ARFGEF2: variants seen among roughly 807,000 people sequenced by gnomAD.
ARFGEF2 encodes ARF guanine nucleotide exchange factor 2, also known as brefeldin A-inhibited guanine nucleotide-exchange protein 2.
A neutral mutation model predicts 219.9 loss-of-function variants in ARFGEF2; 74 were observed. That is an observed-to-expected ratio of 0.34 (90% CI 0.28 to 0.41). The LOEUF (loss-of-function observed/expected upper bound fraction) is 0.41. ARFGEF2 is among the 10% of genes least tolerant of loss of function. The pLI is 1.00. For synonymous variants in ARFGEF2, 733 were observed against 799.2 expected (o/e 0.92, Z 1.40); for missense variants, 1,743 against 2,218.3 (o/e 0.79, Z 4.30).
intron 22 of ARFGEF2, among the ~76,000 whole-genome samples, chr20:48,994,839 A>G (rs58361594): frequency 1.3e-5 from 2 of 152,262 alleles, no homozygotes; most frequent in African/African-American, 4.8e-5. Flanking sequence ...ACCTATCACT[A>G]TATTGGGGAG....
intron 1 of ARFGEF2, among the ~76,000 whole-genome samples, chr20:48,926,141 A>G (rs2090875547): frequency 6.6e-6 from 1 of 152,178 alleles, no homozygotes; most frequent in Admixed American, 6.5e-5. Context: ...AACACAGGCA[A>G]TCTGGCTCCA....
At chr20:48,935,825 C>G (rs1334990315) in intron 1 of ARFGEF2, among the ~76,000 whole-genome samples, 1 of 138,208 alleles carries the variant, frequency 7.2e-6, no homozygotes, top group East Asian at 2.3e-4. Context: ...GGGGGGCTGA[C>G]CCCCCAACCT....
chr20:48,986,474 C>CA (rs1040952230), intron 16 of ARFGEF2, among the ~76,000 whole-genome samples: 8 of 150,536 alleles, frequency 5.3e-5, no homozygotes, highest in Admixed American at 1.3e-4. Context: ...TCCAAAAATA[C>CA]AAAAAAAAAT....
chr20:48,984,440 G>C (rs2091314742), intron 14 of ARFGEF2, among the ~76,000 whole-genome samples: 1 of 152,182 alleles, frequency 6.6e-6, no homozygotes, highest in Non-Finnish European at 1.5e-5. Flanking sequence ...GCAGGGAAAT[G>C]TTCTTTTTAT....
intron 1 of ARFGEF2, among the ~76,000 whole-genome samples, chr20:48,931,644 G>T (rs1010532293): frequency 1.3e-5 from 2 of 151,248 alleles, no homozygotes; most frequent in Non-Finnish European, 2.9e-5. Flanking sequence ...TCTGAAGGAA[G>T]TGAGGGGGTG....
intron 1 of ARFGEF2, among the ~76,000 whole-genome samples, chr20:48,923,298 G>T (rs2090854981): frequency 6.6e-6 from 1 of 152,234 alleles, no homozygotes; most frequent in Admixed American, 6.5e-5. Context: ...CATAGTTTGA[G>T]ATTGTTATCA....
At chr20:49,000,460 A>G (rs1350642579) in intron 25 of ARFGEF2, among the ~76,000 whole-genome samples, 5 of 152,240 alleles carry the variant, frequency 3.3e-5, no homozygotes, top group Non-Finnish European at 7.3e-5. Flanking sequence ...TGAGAGGCAC[A>G]GGAGCCTGTG....
chr20:48,988,104 G>T (rs2091336659), intron 16 of ARFGEF2, among the ~76,000 whole-genome samples, 200 bp from the exon 17 acceptor site: 1 of 152,080 alleles, frequency 6.6e-6, no homozygotes, highest in African/African-American at 2.4e-5. Context: ...GCTAAAATTT[G>T]ATACAGATTG....
chr20:48,984,142 G>C (rs1293503123), intron 14 of ARFGEF2, among the ~76,000 whole-genome samples: 3 of 152,106 alleles, frequency 2.0e-5, no homozygotes, highest in Admixed American at 1.3e-4. Flanking sequence ...ACAGTCTAAG[G>C]CTGCTACGGT....
At chr20:48,933,140 G>C (rs2090923497) in intron 1 of ARFGEF2, among the ~76,000 whole-genome samples, 1 of 152,234 alleles carries the variant, frequency 6.6e-6, no homozygotes, top group Non-Finnish European at 1.5e-5. Flanking sequence ...TTCAGCTGCA[G>C]CTGCCCCACC....
At position 49,033,191 on chromosome 20, in the gene ARFGEF2, G is replaced by T; in HGVS notation, c.5350G>T (p.Val1784Leu). The stretch of plus-strand genomic sequence containing the variant: ...ACAGGTACCAGCAGCACTGTCACCA[G>T]TGTGGTAGCCCTGGCTGCCCAGGCC... ...PSQVPAALSP[V>L]W The change falls in exon 39 of 39, where the codon GTG becomes TTG. Residue 1784 changes from valine to leucine, a missense_variant. By Grantham distance (32) the Val-to-Leu change is conservative. Around this residue, in one of 5 missense-constraint regions of ARFGEF2, gnomAD observed 578 missense variants for 664.0 expected, o/e 0.87. Transcript: ENST00000371917. The T allele has an allele frequency of 1.2e-6, 2 of 1,614,216 alleles. No homozygotes were observed. Among genetic ancestry groups the T allele is most frequent in the Admixed American group, 3.3e-5 (2 of 60,024 alleles).
At chr20:48,995,596 T>C (rs1450595583) in intron 22 of ARFGEF2, among the ~76,000 whole-genome samples, 187 bp from the exon 23 acceptor site, 1 of 152,232 alleles carries the variant, frequency 6.6e-6, no homozygotes, top group African/African-American at 2.4e-5. Context: ...ACTAAGGATA[T>C]ATTTTAAATG....
intron 6 of ARFGEF2, among the ~76,000 whole-genome samples, chr20:48,960,517 C>T (rs1310169638): frequency 1.3e-5 from 2 of 151,312 alleles, no homozygotes; most frequent in Admixed American, 6.6e-5. Context: ...GAGTTTTGCT[C>T]CTGTCGCCTA....
In ARFGEF2 at chr20:48,953,794, C is replaced by T. The variant is rs773712651; in HGVS notation, c.838+4C>T. 8.7e-6 allele frequency: 14 copies of T among 1,612,364 alleles called. No individual in the cohort carries two copies. The highest frequency in any genetic ancestry group is 6.7e-5 in the East Asian group (3 of 44,878). On this transcript the variant is annotated splice_donor_region_variant and intron_variant, in intron 6 of 38. Transcript: ENST00000371917. ...GAAAGAGGCTCATCACTGTCAGGTACGGGCTGATACGGTATGGCTCTTTTT... is the reference window on the plus strand; with the variant it reads ...GAAAGAGGCTCATCACTGTCAGGTATGGGCTGATACGGTATGGCTCTTTTT...
At position 49,023,120 on chromosome 20, in the gene ARFGEF2, A is replaced by T. The variant is rs748633846; in HGVS notation, c.4694A>T (p.Asn1565Ile). Residue 1565 changes from asparagine to isoleucine, a missense_variant, in exon 35 of 39, where the codon AAC becomes ATC. Around this residue, in one of 5 missense-constraint regions of ARFGEF2, gnomAD observed 578 missense variants for 664.0 expected, o/e 0.87. Transcript: ENST00000371917. ...TTGGAATTGATACAGACCATTGACA[A>T]CATTGTGTTCTACCCTGCGACGAGC... ...VQLELIQTID[N>I]IVFYPATSKK... 1 of 1,614,206 alleles carries T rather than the reference A, an allele frequency of 6.2e-7. No homozygotes were observed. The highest frequency in any genetic ancestry group is 2.2e-5 in the East Asian group (1 of 44,888).
intron 1 of ARFGEF2, among the ~76,000 whole-genome samples, chr20:48,936,968 G>GA (rs887916084): frequency 3.0e-4 from 44 of 147,796 alleles, no homozygotes; most frequent in East Asian, 7.9e-4. Context: ...TCTTTTAATG[G>GA]AAAAAAAAAA....
chr20:49,003,606 AAAAATAAAAT>A lies in ARFGEF2; in HGVS notation c.3433-1444_3433-1435del, dbSNP rs138515579. 5.9e-5 allele frequency among the ~76,000 whole-genome samples: 9 copies of A among 151,990 alleles called. No homozygotes were observed. The South Asian group carries it at 1.0e-3, about 18-fold the overall frequency. On this transcript the variant is annotated intron_variant, in intron 25 of 38. Transcript: ENST00000371917. ...AGCAACAGAGCAAGACTCCGTCTCA[AAAAATAAAAT>A]AAAATAAAATAAAATAAAACATCAG...
chr20:48,937,886 T>C (rs1311198526), intron 1 of ARFGEF2, among the ~76,000 whole-genome samples: 6 of 152,226 alleles, frequency 3.9e-5, no homozygotes, highest in Non-Finnish European at 8.8e-5. Flanking sequence ...GCTTGTAAAC[T>C]AGCCTTCCCA....
rs1374501050 is a variant in ARFGEF2 at position 48,994,614 on chromosome 20, C to G, written c.3121+16C>G. Reference sequence around the variant, plus strand: ...CTTGGCCTCGGTAAGACACCAGGCCCCACAGCTAACAGTCACGGATTTGCA... The same window carrying G: ...CTTGGCCTCGGTAAGACACCAGGCCGCACAGCTAACAGTCACGGATTTGCA... On this transcript the variant is annotated intron_variant, in intron 22 of 38. Transcript: ENST00000371917. 1.2e-6 allele frequency: 2 copies of G among 1,612,998 alleles called. No homozygotes were observed. The highest frequency in any genetic ancestry group is 3.3e-5 in the Admixed American group (2 of 60,012).
Sources: allele counts gnomAD v4.1 joint callset (sites outside exome capture counted in the v4.1 genomes callset), GRCh38; gene constraint gnomAD v4.1.1; regional missense constraint gnomAD v4.1.1; transcripts MANE v1.5; gene names NCBI Gene and HGNC (gene_info 2026-07-23, HGNC 2026-07-21).